Variants in GASK1B observed in about 807,000 individuals in gnomAD.
GASK1B encodes golgi associated kinase 1B.
Under a neutral mutation model 42.8 loss-of-function variants are expected in GASK1B, and 34 were observed. The observed-to-expected ratio is 0.79, with a 90% CI of 0.60 to 1.06. GASK1B has a LOEUF of 1.06. Ranked by LOEUF, GASK1B falls within the 50% of genes least tolerant of loss-of-function variation. GASK1B has a pLI of 0.00. For missense variants in GASK1B, 686 were observed against 661.0 expected, an observed-to-expected ratio of 1.04 and a Z score of -0.42; for synonymous variants, 262 against 259.1, an observed-to-expected ratio of 1.01 and a Z score of -0.11.
rs148655141 is a variant in GASK1B, at chr4:158,140,131, A to T, written c.1126-9119T>A. 2.0e-5 allele frequency among the ~76,000 whole-genome samples: 3 copies of T among 152,306 alleles called. No homozygotes were observed. The East Asian group carries it at 5.8e-4, about 29-fold the overall frequency. ...TGCTAAAGCATCAACAGATTTAACC[A>T]CTACTGCATATATCAACACTGAAAA... On this transcript the variant is annotated intron_variant, in intron 3 of 4. Transcript: ENST00000585682.
chr4:158,169,218 A>C (rs938495110), intron 2 of GASK1B: 4 of 152,220 alleles, frequency 2.6e-5, no homozygotes, highest in African/African-American at 9.6e-5. Flanking sequence ...GCACCCAATA[A>C]AAATTCATTT....
chr4:158,163,979 C>A (rs1216605296), intron 2 of GASK1B, among the ~76,000 whole-genome samples: 1 of 152,220 alleles, frequency 6.6e-6, no homozygotes. Flanking sequence ...TCTAGCACTC[C>A]TGCACCTGTG....
intron 1 of GASK1B, among the ~76,000 whole-genome samples, chr4:158,171,959 T>C (rs932963625): frequency 1.3e-5 from 2 of 152,208 alleles, no homozygotes; most frequent in African/African-American, 4.8e-5. Context: ...ACCTATACCA[T>C]TTTTATTTTT....
chr4:158,170,943 A>T lies in GASK1B; in HGVS notation c.433T>A (p.Leu145Met), dbSNP rs1422962066. The T allele has an allele frequency of 6.2e-7, 1 of 1,614,038 alleles. No homozygotes were observed. The highest frequency in any genetic ancestry group is 8.5e-7 in the Non-Finnish European group (1 of 1,180,042). The part of the protein sequence containing the change: ...VASAAPGQEA[L>M]VGPSLQPQEA... Reference sequence around the variant, plus strand: ...TGCGGCTGAAGGGATGGTCCGACCAAAGCCTCCTGCCCTGGGGCAGCCGAT... The same window carrying T: ...TGCGGCTGAAGGGATGGTCCGACCATAGCCTCCTGCCCTGGGGCAGCCGAT... The change falls in exon 2 of 5, where the codon TTG becomes ATG. Residue 145 changes from leucine (L) to methionine (M), a missense_variant. Coordinates refer to ENST00000585682, the MANE Select transcript of GASK1B (RefSeq NM_001128424.2).
chr4:158,150,239 T>G, intron 3 of GASK1B, among the ~76,000 whole-genome samples: 1 of 152,154 alleles, frequency 6.6e-6, no homozygotes, highest in Non-Finnish European at 1.5e-5. Flanking sequence ...CATGTATTTT[T>G]AAGAGTGTTA....
chr4:158,171,119 A>C lies in GASK1B; in HGVS notation c.257T>G (p.Leu86Arg). Reference protein sequence around the residue: ...TAEPSFPEIPLDGTLAPPESQ... With the variant: ...TAEPSFPEIPRDGTLAPPESQ... Reference sequence around the variant, plus strand: ...CTCTGGAGGGGCCAGGGTACCATCCAGGGGTATCTCAGGGAAGGATGGCTC... The same window carrying C: ...CTCTGGAGGGGCCAGGGTACCATCCCGGGGTATCTCAGGGAAGGATGGCTC... Residue 86 changes from leucine to arginine, a missense_variant, in exon 2 of 5, where the codon CTG becomes CGG. Physicochemically the swap from Leu to Arg is moderately radical, Grantham distance 102. Coordinates refer to ENST00000585682, the MANE Select transcript of GASK1B (RefSeq NM_001128424.2). The C allele has an allele frequency of 1.2e-5, 20 of 1,609,380 alleles. No homozygotes were observed. Among genetic ancestry groups the C allele is most frequent in the Non-Finnish European group, 1.7e-5 (20 of 1,176,518 alleles).
intron 2 of GASK1B, chr4:158,170,036 AT>A (rs2111028214): frequency 1.7e-6 from 1 of 598,168 alleles, no homozygotes; most frequent in African/African-American, 1.9e-5. Flanking sequence ...CTCAAGAACG[AT>A]AACCCGCTTC....
At chr4:158,133,321 T>C (rs1490503503) in intron 3 of GASK1B, among the ~76,000 whole-genome samples, 1 of 152,208 alleles carries the variant, frequency 6.6e-6, no homozygotes, top group East Asian at 1.9e-4. Context: ...CTTATTTAAT[T>C]TTGACTAAAT....
Position 158,170,849 on chromosome 4 carries a change from C to G in GASK1B, c.527G>C (p.Gly176Ala), listed in dbSNP as rs1351184325. Reference sequence around the variant, plus strand: ...CCGCACCAACCTCCAGGGTCGCTCTCCAATCTTAACCAGGTTTGCTCCCTG... The same window carrying G: ...CCGCACCAACCTCCAGGGTCGCTCTGCAATCTTAACCAGGTTTGCTCCCTG... ...YAQGANLVKI[G>A]ERPWRLVRGP... Residue 176 changes from glycine (G) to alanine (A), a missense_variant, in exon 2 of 5, where the codon GGA becomes GCA. Transcript: ENST00000585682. The G allele has an allele frequency of 6.2e-7, 1 of 1,614,212 alleles. No individual in the cohort carries two copies. Among genetic ancestry groups the G allele is most frequent in the South Asian group, 1.1e-5 (1 of 91,090 alleles).
chr4:158,151,328 A>G (rs1266103000), intron 3 of GASK1B, among the ~76,000 whole-genome samples: 1 of 152,230 alleles, frequency 6.6e-6, no homozygotes, highest in Non-Finnish European at 1.5e-5. Context: ...AATAAGTTAC[A>G]TGGCCAACTG....
chr4:158,132,950 G>C (rs1730738244), intron 3 of GASK1B, among the ~76,000 whole-genome samples: 1 of 152,178 alleles, frequency 6.6e-6, no homozygotes, highest in Non-Finnish European at 1.5e-5. Flanking sequence ...GTGAGCAAGA[G>C]TGCCCCAAGC....
intron 3 of GASK1B, among the ~76,000 whole-genome samples, chr4:158,142,685 A>C (rs1731182943): frequency 6.6e-6 from 1 of 152,230 alleles, no homozygotes; most frequent in Non-Finnish European, 1.5e-5. Flanking sequence ...GACTAACCAG[A>C]TATGATGTCT....
In GASK1B at chr4:158,127,548, CAG is replaced by C. The variant is rs773233579; in HGVS notation, c.1417_1418del (p.Leu473ValfsTer3). ...TTTCCCAATACACTTTATCAAGAAA[CAG>C]AGACTGAAGAAGTTTCTGCCGTAAG... ...QHLRQKLLQSLFLDKVYWESQ... is the reference protein window; with the variant it reads ...QHLRQKLLQSXFLDKVYWESQ... On this transcript the variant is annotated frameshift_variant, in exon 5 of 5. Coordinates refer to ENST00000585682, the MANE Select transcript of GASK1B (RefSeq NM_001128424.2). LOFTEE classifies it high-confidence loss of function. The C allele has an allele frequency of 6.8e-6, 11 of 1,613,650 alleles. No homozygotes were observed. Among genetic ancestry groups the C allele is most frequent in the Non-Finnish European group, 9.3e-6 (11 of 1,179,776 alleles).
In GASK1B at chr4:158,127,341, C is replaced by T. The variant is rs554697817; in HGVS notation, c.*66G>A. On this transcript the variant is annotated 3_prime_UTR_variant, in exon 5 of 5. Coordinates refer to ENST00000585682, the MANE Select transcript of GASK1B (RefSeq NM_001128424.2). ...GCTAAACGGGCTTGAGGTTGATGTG[C>T]TTGATTTAAAAACAAAACCAAAAAT... 5.0e-6 allele frequency: 7 copies of T among 1,389,284 alleles called. No homozygotes were observed. In the African/African-American group the frequency reaches 8.6e-5, roughly 17 times the overall value. The allele number at this position is 1,389,284 out of a possible 1,614,324, so 86.1% of individuals were successfully genotyped here. A position where few individuals can be genotyped will look rare whatever the true frequency, so the allele number is the denominator to read the frequency against.
chr4:158,125,295 C>T lies in GASK1B; in HGVS notation c.*2112G>A, dbSNP rs1730408079. ...GCAAATAAACAAAGTTAAACCCTCA[C>T]GTGGGAAGACCAGGCTGCCCAACAG... On this transcript the variant is annotated 3_prime_UTR_variant, in exon 5 of 5. Coordinates refer to ENST00000585682, the MANE Select transcript of GASK1B (RefSeq NM_001128424.2). 6.6e-6 allele frequency: 1 copy of T among 152,080 alleles called. No homozygotes were observed. The highest frequency in any genetic ancestry group is 2.1e-4 in the South Asian group (1 of 4,828). 9.4% of individuals were successfully genotyped at this position (152,080 alleles called of 1,614,324 possible).
rs1560797061 is a variant in GASK1B, at chr4:158,170,874, G to A, written c.502C>T (p.Gln168Ter). Residue 168 changes from glutamine (Q) to a stop codon, truncating the protein, a stop_gained, in exon 2 of 5, where the codon CAG becomes TAG. Coordinates refer to ENST00000585682, the MANE Select transcript of GASK1B (RefSeq NM_001128424.2). LOFTEE classifies it high-confidence loss of function. ...EADAVAPGYA[Q>*]GANLVKIGER... ...CCAATCTTAACCAGGTTTGCTCCCT[G>A]AGCGTACCCAGGTGCTACAGCATCA... The A allele has an allele frequency of 6.2e-7, 1 of 1,614,226 alleles. No individual in the cohort carries two copies. The highest frequency in any genetic ancestry group is 8.5e-7 in the Non-Finnish European group (1 of 1,180,042).
chr4:158,132,993 G>GA (rs991506373), intron 3 of GASK1B, among the ~76,000 whole-genome samples: 3 of 152,104 alleles, frequency 2.0e-5, no homozygotes, highest in Non-Finnish European at 4.4e-5. Context: ...CACATGGAAT[G>GA]AAAAAAGCAC....
intron 2 of GASK1B, among the ~76,000 whole-genome samples, chr4:158,158,177 A>G (rs1179105542): frequency 1.3e-5 from 2 of 152,130 alleles, no homozygotes; most frequent in Non-Finnish European, 2.9e-5. Flanking sequence ...ATGAAGCAAC[A>G]ACATACATTC....
intron 2 of GASK1B, among the ~76,000 whole-genome samples, chr4:158,158,223 C>A (rs1349986455): frequency 6.6e-6 from 1 of 152,072 alleles, no homozygotes; most frequent in Non-Finnish European, 1.5e-5. Context: ...GAGATCGTGC[C>A]TCTAAAATTC....
Sources: allele counts gnomAD v4.1 joint callset (sites outside exome capture counted in the v4.1 genomes callset), GRCh38; gene constraint gnomAD v4.1.1; transcripts MANE v1.5; gene names NCBI Gene and HGNC (gene_info 2026-07-23, HGNC 2026-07-21).